Variants in RAB8A observed in about 807,000 individuals in gnomAD.
RAB8A encodes the protein ras-related protein Rab-8A.
A neutral mutation model predicts 29.2 loss-of-function variants in RAB8A; 5 were observed. The observed-to-expected ratio is 0.17, with a 90% CI of 0.09 to 0.36. RAB8A has a LOEUF of 0.36. RAB8A is among the 10% of genes least tolerant of loss of function. RAB8A has a pLI of 1.00. For synonymous variants in RAB8A, 108 were observed against 99.9 expected (o/e 1.08, Z -0.49); for missense variants, 171 against 272.2 (o/e 0.63, Z 2.62).
At chr19:16,116,977 T>TG (rs1285287564) in intron 1 of RAB8A, among the ~76,000 whole-genome samples, 1 of 152,170 alleles carries the variant, frequency 6.6e-6, no homozygotes, top group African/African-American at 2.4e-5. Flanking sequence ...AGCTTTCTGT[T>TG]TCTATGAATG....
rs769732761 is a variant in RAB8A, at chr19:16,132,372, C to A, written c.*68C>A. 4 of 1,520,294 alleles carry A rather than the reference C, an allele frequency of 2.6e-6. No individual in the cohort carries two copies. The highest frequency in any genetic ancestry group is 3.6e-6 in the Non-Finnish European group (4 of 1,112,262). The allele number at this position is 1,520,294 out of a possible 1,614,324, so 94.2% of individuals were successfully genotyped here. A position where few individuals can be genotyped will look rare whatever the true frequency, so the allele number is the denominator to read the frequency against. On this transcript the variant is annotated 3_prime_UTR_variant, in exon 8 of 8. Coordinates refer to ENST00000300935, the MANE Select transcript of RAB8A (RefSeq NM_005370.5). This position sits in a 1 kb window ranked among gnomAD's most constrained non-coding sequence, Gnocchi z 5.6. ...GTGCCTGTTCTGAGTGAGCCCCTCA[C>A]TCAGCCGGGGCCCTCCCACCTCCAA...
intron 1 of RAB8A, 66 bp downstream of exon 1, chr19:16,112,091 G>C: frequency 2.5e-6 from 4 of 1,590,808 alleles, no homozygotes; most frequent in Non-Finnish European, 3.4e-6. Flanking sequence ...TGAGGGGCTG[G>C]GGCTGAGGGA....
chr19:16,130,692 C>T (rs539597873), intron 7 of RAB8A, among the ~76,000 whole-genome samples: 32 of 152,154 alleles, frequency 2.1e-4, no homozygotes, highest in South Asian at 1.2e-3. Context: ...ACTTTGCCAC[C>T]TAGGCTGGAG....
At chr19:16,112,078 C>G in intron 1 of RAB8A, 53 bp downstream of exon 1, 1 of 1,602,472 alleles carries the variant, frequency 6.2e-7, no homozygotes, top group Non-Finnish European at 8.5e-7. Flanking sequence ...CTGGGCGCGC[C>G]CCTGAGGGGC....
chr19:16,115,485 G>A lies in RAB8A; in HGVS notation c.125-2741G>A, dbSNP rs28690173. 5.6e-3 allele frequency among the ~76,000 whole-genome samples: 858 copies of A among 152,306 alleles called. 6 individuals are homozygous for A. Among genetic ancestry groups the A allele is most frequent in the African/African-American group, 0.019 (788 of 41,552 alleles). ...CTTGGCCCTGTAGCTCCCTGGAATG[G>A]GTTCTCACCAGCCTGGCTCGGCGCC... On this transcript the variant is annotated intron_variant, in intron 1 of 7. Transcript: ENST00000300935.
intron 7 of RAB8A, 99 bp downstream of exon 7, chr19:16,129,703 G>A: frequency 8.2e-7 from 1 of 1,222,460 alleles, no homozygotes; most frequent in Non-Finnish European, 1.2e-6. Context: ...CTGCTTTTTA[G>A]GGCCCAGCCA....
rs1364902015 is a variant in RAB8A at position 16,122,614 on chromosome 19, C to T, written c.246+804C>T. ...CATCATTTAATTGCTCAGGCAGCTG[C>T]CTGTTTCCTCGATGAGGGCAGCGCC... On this transcript the variant is annotated intron_variant, in intron 3 of 7. Transcript: ENST00000300935. This position sits in a 1 kb window ranked among gnomAD's most constrained non-coding sequence, Gnocchi z 4.7. Among the ~76,000 whole-genome samples the T allele has an allele frequency of 6.6e-6, 1 of 152,236 alleles. No homozygotes were observed. Among genetic ancestry groups the T allele is most frequent in the East Asian group, 1.9e-4 (1 of 5,204 alleles).
In RAB8A at chr19:16,125,951, G is replaced by A. The variant is rs1430844713; in HGVS notation, c.324+404G>A. The A allele has an allele frequency of 1.5e-5, 5 of 338,762 alleles. No individual in the cohort carries two copies. The highest frequency in any genetic ancestry group is 1.1e-4 in the African/African-American group (5 of 46,822). The allele number at this position is 338,762 out of a possible 1,614,324, so 21.0% of individuals were successfully genotyped here. On this transcript the variant is annotated intron_variant, in intron 4 of 7. Coordinates refer to ENST00000300935, the MANE Select transcript of RAB8A (RefSeq NM_005370.5). This position sits in a 1 kb window ranked among gnomAD's most constrained non-coding sequence, Gnocchi z 5.0. ...GTACTTTGAGCTATATCGGAGCAGGGTGTGACCTGGTACAAACGACCTGTG... is the reference window on the plus strand; with the variant it reads ...GTACTTTGAGCTATATCGGAGCAGGATGTGACCTGGTACAAACGACCTGTG...
In RAB8A at chr19:16,120,824, C is replaced by T. The variant is rs144222433; in HGVS notation, c.186-926C>T. On this transcript the variant is annotated intron_variant, in intron 2 of 7. Transcript: ENST00000300935. ...TGAGGTTTCATTGTGTTGGTCAGGC[C>T]GGTCTCGAACTCCTGGCCTCAGGTG... Among the ~76,000 whole-genome samples, 905 of 151,754 alleles carry T rather than the reference C, an allele frequency of 6.0e-3. 6 individuals carry two copies. The highest frequency in any genetic ancestry group is 0.019 in the African/African-American group (797 of 41,372).
At chr19:16,118,659 CGA>C (rs2090857953) in intron 2 of RAB8A, among the ~76,000 whole-genome samples, 1 of 152,140 alleles carries the variant, frequency 6.6e-6, no homozygotes, top group Admixed American at 6.6e-5. Context: ...ATGCCCCAGC[CGA>C]GAGTTTCCTT....
rs918516263 is a variant in RAB8A at position 16,125,955 on chromosome 19, G to A, written c.324+408G>A. The A allele has an allele frequency of 6.0e-6, 2 of 333,470 alleles. No homozygotes were observed. The highest frequency in any genetic ancestry group is 2.5e-5 in the South Asian group (1 of 40,634). 20.7% of individuals were successfully genotyped at this position (333,470 alleles called of 1,614,324 possible). A position where few individuals can be genotyped will look rare whatever the true frequency, so the allele number is the denominator to read the frequency against. On this transcript the variant is annotated intron_variant, in intron 4 of 7. Coordinates refer to ENST00000300935, the MANE Select transcript of RAB8A (RefSeq NM_005370.5). The surrounding 1 kb of genome is among the most constrained non-coding windows in gnomAD (Gnocchi z 5.0). Reference sequence around the variant, plus strand: ...TTTGAGCTATATCGGAGCAGGGTGTGACCTGGTACAAACGACCTGTGTTCA... The same window carrying A: ...TTTGAGCTATATCGGAGCAGGGTGTAACCTGGTACAAACGACCTGTGTTCA...
intron 1 of RAB8A, among the ~76,000 whole-genome samples, chr19:16,114,143 C>T (rs2090835574): frequency 6.6e-6 from 1 of 152,034 alleles, no homozygotes; most frequent in South Asian, 2.1e-4. Context: ...GTGGCTCACC[C>T]ATGTAGACCC....
rs1020895626 is a variant in RAB8A at position 16,128,188 on chromosome 19, C to T, written c.480+97C>T. On this transcript the variant is annotated intron_variant, in intron 6 of 7. Coordinates refer to ENST00000300935, the MANE Select transcript of RAB8A (RefSeq NM_005370.5). Reference sequence around the variant, plus strand: ...CGTCCTCCGAGGAGGTCCTGCCAGACGGACCAGCCTCGGGCTCAGGGCTGC... The same window carrying T: ...CGTCCTCCGAGGAGGTCCTGCCAGATGGACCAGCCTCGGGCTCAGGGCTGC... 9.0e-5 allele frequency: 120 copies of T among 1,330,920 alleles called. 1 individual carries two copies. The highest frequency in any genetic ancestry group is 3.6e-4 in the Admixed American group (19 of 52,416). 82.4% of individuals were successfully genotyped at this position (1,330,920 alleles called of 1,614,324 possible). A position where few individuals can be genotyped will look rare whatever the true frequency, so the allele number is the denominator to read the frequency against.
chr19:16,112,182 T>A (rs1456424726), intron 1 of RAB8A, among the ~76,000 whole-genome samples, 157 bp downstream of exon 1: 1 of 151,936 alleles, frequency 6.6e-6, no homozygotes, highest in Non-Finnish European at 1.5e-5. Context: ...GCACCGCCGT[T>A]CGGGGGTTCC....
Position 16,127,528 on chromosome 19 carries a change from TG to T in RAB8A, c.414+5del. ...GTTTCCAAGGAACGGGGAGAAAAGG[TG>T]GGCATGGTGGCACAAGGGGCAGAGG... is the stretch of plus-strand genomic sequence containing the variant. On this transcript the variant is annotated splice_donor_region_variant and intron_variant, in intron 5 of 7. Coordinates refer to ENST00000300935, the MANE Select transcript of RAB8A (RefSeq NM_005370.5). The surrounding 1 kb of genome is among the most constrained non-coding windows in gnomAD (Gnocchi z 4.8). The T allele has an allele frequency of 6.6e-7, 1 of 1,519,856 alleles. No homozygotes were observed. Among genetic ancestry groups the T allele is most frequent in the South Asian group, 1.3e-5 (1 of 74,738 alleles). The allele number at this position is 1,519,856 out of a possible 1,614,324, so 94.1% of individuals were successfully genotyped here. A position where few individuals can be genotyped will look rare whatever the true frequency, so the allele number is the denominator to read the frequency against.
At position 16,122,860 on chromosome 19, in the gene RAB8A, C is replaced by G. The variant is rs1469373460; in HGVS notation, c.246+1050C>G. Among the ~76,000 whole-genome samples the G allele has an allele frequency of 6.6e-6, 1 of 152,192 alleles. No homozygotes were observed. Among genetic ancestry groups the G allele is most frequent in the Admixed American group, 6.5e-5 (1 of 15,270 alleles). Reference sequence around the variant, plus strand: ...TTCTTTCCCCCCACCTCACAGTTCTCTGGTGGAGGGTGGGCAGGCGGCCTG... The same window carrying G: ...TTCTTTCCCCCCACCTCACAGTTCTGTGGTGGAGGGTGGGCAGGCGGCCTG... On this transcript the variant is annotated intron_variant, in intron 3 of 7. Coordinates refer to ENST00000300935, the MANE Select transcript of RAB8A (RefSeq NM_005370.5). The surrounding 1 kb of genome is among the most constrained non-coding windows in gnomAD (Gnocchi z 4.7).
In RAB8A at chr19:16,132,186, C is replaced by T; in HGVS notation, c.532-26C>T. 2 of 1,555,960 alleles carry T rather than the reference C, an allele frequency of 1.3e-6. No homozygotes were observed. The highest frequency in any genetic ancestry group is 1.8e-6 in the Non-Finnish European group (2 of 1,127,044). On this transcript the variant is annotated intron_variant, in intron 7 of 7. Transcript: ENST00000300935. This position sits in a 1 kb window ranked among gnomAD's most constrained non-coding sequence, Gnocchi z 5.6. ...ACGTAGTGCTGATTCTCAGTGATAA[C>T]CTCAGAAAACCTCTTGTGATTTCAG...
chr19:16,112,967 C>T (rs1379760820), intron 1 of RAB8A, among the ~76,000 whole-genome samples: 3 of 152,202 alleles, frequency 2.0e-5, no homozygotes, highest in Non-Finnish European at 2.9e-5. Flanking sequence ...ACTAAATCAG[C>T]CACTGCCACA....
In RAB8A at chr19:16,127,147, C is replaced by T. The variant is rs1302224529; in HGVS notation, c.325-290C>T. On this transcript the variant is annotated intron_variant, in intron 4 of 7. Transcript: ENST00000300935. The surrounding 1 kb of genome is among the most constrained non-coding windows in gnomAD (Gnocchi z 4.8). ...CCATAGGCTAGACCCGCCCAGCATC[C>T]CAGGTGCGGGGGCTTGATTGATACA... is the stretch of plus-strand genomic sequence containing the variant. Among the ~76,000 whole-genome samples the T allele has an allele frequency of 6.6e-6, 1 of 152,164 alleles. No individual in the cohort carries two copies. The highest frequency in any genetic ancestry group is 1.5e-5 in the Non-Finnish European group (1 of 68,018).
Sources: allele counts gnomAD v4.1 joint callset (sites outside exome capture counted in the v4.1 genomes callset), GRCh38; gene constraint gnomAD v4.1.1; non-coding constraint Gnocchi (gnomAD v3.1); transcripts MANE v1.5; gene names NCBI Gene and HGNC (gene_info 2026-07-23, HGNC 2026-07-21).